AGMO: variants seen among roughly 807,000 people sequenced by gnomAD.
AGMO encodes the protein alkylglycerol monooxygenase.
A neutral mutation model predicts 60.2 loss-of-function variants in AGMO; 75 were observed. That is an observed-to-expected ratio of 1.25 (90% CI 1.03 to 1.51). AGMO has a LOEUF of 1.51. Among genes scored for constraint, AGMO ranks in the 40% most tolerant of loss-of-function variants. AGMO has a pLI of 0.00. For synonymous variants in AGMO, 261 were observed against 177.1 expected (o/e 1.47, Z -3.76); for missense variants, 763 against 525.5 (o/e 1.45, Z -4.42).
At chr7:15,222,100 G>C (rs1473040612) in intron 12 of AGMO, among the ~76,000 whole-genome samples, 2 of 152,092 alleles carry the variant, frequency 1.3e-5, no homozygotes, top group Non-Finnish European at 2.9e-5. Context: ...GGAGGATAAA[G>C]CAAGATGTAA....
At chr7:15,392,229 C>A (rs1357539904) in intron 6 of AGMO, among the ~76,000 whole-genome samples, 1 of 151,460 alleles carries the variant, frequency 6.6e-6, no homozygotes. Context: ...GCCACTATAC[C>A]CGGCTAATTT....
At chr7:15,323,904 C>T (rs547695562) in intron 12 of AGMO, among the ~76,000 whole-genome samples, 1 of 152,180 alleles carries the variant, frequency 6.6e-6, no homozygotes, top group Non-Finnish European at 1.5e-5. Flanking sequence ...GGGTTTGAAA[C>T]GTCAATGTTC....
chr7:15,528,281 T>C (rs1489067160), intron 3 of AGMO, among the ~76,000 whole-genome samples: 2 of 152,038 alleles, frequency 1.3e-5, no homozygotes, highest in East Asian at 1.9e-4. Flanking sequence ...TAAACGACAG[T>C]GTAGTATTAG....
chr7:15,168,963 G>A, the AGMO span, among the ~76,000 whole-genome samples: 10 of 152,184 alleles, frequency 6.6e-5, no homozygotes, highest in Non-Finnish European at 1.3e-4. Flanking sequence ...CAGCCTTGAA[G>A]TTGGATTAAT....
chr7:15,396,755 C>T (rs1327038773), intron 5 of AGMO, among the ~76,000 whole-genome samples: 3 of 151,540 alleles, frequency 2.0e-5, no homozygotes, highest in South Asian at 2.1e-4. Flanking sequence ...GTCCATTTTA[C>T]GGAGAGCTGA....
intron 12 of AGMO, among the ~76,000 whole-genome samples, chr7:15,226,759 T>A (rs11761916): frequency 0.63 from 95,390 of 151,840 alleles, 30,396 homozygotes; most frequent in Admixed American, 0.72. Context: ...GATTTCTAAC[T>A]ATTTCATGGG....
At chr7:15,134,548 G>A in the AGMO span, among the ~76,000 whole-genome samples, 72 of 152,174 alleles carry the variant, frequency 4.7e-4, no homozygotes, top group Non-Finnish European at 1.2e-4. Context: ...GGCAGAACAT[G>A]TGGAATTTGG....
chr7:15,438,423 T>C (rs965564424), intron 3 of AGMO, among the ~76,000 whole-genome samples: 3 of 152,176 alleles, frequency 2.0e-5, no homozygotes, highest in African/African-American at 7.2e-5. Context: ...GAAATGGAGA[T>C]ACAATAATAT....
intron 12 of AGMO, among the ~76,000 whole-genome samples, chr7:15,230,462 T>C (rs1238700058): frequency 6.6e-6 from 1 of 152,154 alleles, no homozygotes; most frequent in Non-Finnish European, 1.5e-5. Context: ...GGACCTGTCC[T>C]ATGGCAAGTC....
At chr7:15,315,574 G>C (rs921084638) in intron 12 of AGMO, among the ~76,000 whole-genome samples, 1 of 151,948 alleles carries the variant, frequency 6.6e-6, no homozygotes, top group Non-Finnish European at 1.5e-5. Context: ...CTGACCTTGT[G>C]ATCTGCCCAC....
the AGMO span, among the ~76,000 whole-genome samples, chr7:15,177,299 T>C: frequency 1.1e-4 from 17 of 152,184 alleles, no homozygotes; most frequent in East Asian, 1.4e-3. Flanking sequence ...CTTTGTTTGT[T>C]TGCACAAACA....
chr7:15,196,203 G>A (rs536535502), downstream of AGMO, among the ~76,000 whole-genome samples: 1 of 151,592 alleles, frequency 6.6e-6, no homozygotes, highest in East Asian at 2.0e-4. Context: ...CACCACATCT[G>A]GATAATTTTT....
the AGMO span, among the ~76,000 whole-genome samples, chr7:15,152,812 C>CAAAA: frequency 6.6e-6 from 1 of 152,096 alleles, no homozygotes; most frequent in South Asian, 2.1e-4. Flanking sequence ...GGTGTGTATG[C>CAAAA]AAGTATCTTT....
intron 3 of AGMO, among the ~76,000 whole-genome samples, chr7:15,497,449 T>G (rs1403351421): frequency 1.3e-5 from 2 of 152,126 alleles, no homozygotes; most frequent in Non-Finnish European, 2.9e-5. Context: ...TTTTAAATTT[T>G]ATGGAATTCT....
intron 12 of AGMO, among the ~76,000 whole-genome samples, chr7:15,241,809 G>A (rs73279619): frequency 0.051 from 7,758 of 152,162 alleles, 728 homozygotes; most frequent in African/African-American, 0.18. Context: ...GGTCTCAAAG[G>A]TCAAAAGGTG....
At chr7:15,420,329 T>C (rs1403497573) in intron 4 of AGMO, among the ~76,000 whole-genome samples, 2 of 152,092 alleles carry the variant, frequency 1.3e-5, no homozygotes, top group East Asian at 3.8e-4. Flanking sequence ...ACTTTCTTGA[T>C]GAGTTTACCA....
At chr7:15,395,118 A>C (rs1299228683) in intron 5 of AGMO, among the ~76,000 whole-genome samples, 1 of 152,188 alleles carries the variant, frequency 6.6e-6, no homozygotes, top group African/African-American at 2.4e-5. Context: ...CTTTATTCAC[A>C]ATCTAAACTG....
intron 3 of AGMO, among the ~76,000 whole-genome samples, chr7:15,468,398 CTA>C (rs1462821064): frequency 6.6e-5 from 10 of 151,970 alleles, no homozygotes; most frequent in African/African-American, 1.4e-4. Context: ...TTGAAATTGT[CTA>C]TGTTATCTAA....
At chr7:15,202,237 A>G (rs1216298650) in intron 12 of AGMO, among the ~76,000 whole-genome samples, 2 of 151,962 alleles carry the variant, frequency 1.3e-5, no homozygotes, top group African/African-American at 2.4e-5. Context: ...CCCAAGAAGA[A>G]TATCACTATA....
Sources: gnomAD v4.1 joint callset for allele counts (sites outside exome capture counted in the v4.1 genomes callset) on GRCh38, gnomAD v4.1.1 for gene constraint, MANE v1.5 for transcripts, NCBI Gene and HGNC (gene_info 2026-07-23, HGNC 2026-07-21) for gene names.